Variants in CDHR2 observed in about 807,000 individuals in gnomAD.
The protein encoded by CDHR2 is cadherin-related family member 2.
In CDHR2, 104 loss-of-function variants were observed where a neutral mutation model predicts 138.6. The observed-to-expected ratio is 0.75, with a 90% CI of 0.64 to 0.88. CDHR2 has a LOEUF of 0.88. Among genes scored for constraint, CDHR2 ranks in the 40% least tolerant of loss-of-function variants. The pLI is 0.00. For synonymous variants in CDHR2, 755 were observed against 742.8 expected (o/e 1.02, Z -0.27); for missense variants, 1,624 against 1,727.6 (o/e 0.94, Z 1.06).
At chr5:176,589,465 C>A in intron 23 of CDHR2, 27 bp downstream of exon 23, 3 of 1,610,622 alleles carry the variant, frequency 1.9e-6, no homozygotes, top group Non-Finnish European at 2.5e-6. Flanking sequence ...CCTCCAGCCC[C>A]CAACGCCCTC....
In CDHR2 at chr5:176,553,773, C is replaced by G. The variant is rs1482813505; in HGVS notation, c.-16+4359C>G. Among the ~76,000 whole-genome samples the G allele has an allele frequency of 1.3e-5, 2 of 152,138 alleles. No homozygotes were observed. The highest frequency in any genetic ancestry group is 1.3e-4 in the Admixed American group (2 of 15,280). ...CCAACTGTCACCTCCACCAGCGCCA[C>G]CTGCGTCTCCACCTTCATCAGCACA... On this transcript the variant is annotated intron_variant, in intron 1 of 31. Coordinates refer to ENST00000261944, the MANE Select transcript of CDHR2 (RefSeq NM_017675.6). The surrounding 1 kb of genome is among the most constrained non-coding windows in gnomAD (Gnocchi z 4.3).
Position 176,577,479 on chromosome 5 carries a change from C to A in CDHR2, c.1275C>A (p.Gly425=). The A allele has an allele frequency of 6.2e-7, 1 of 1,610,868 alleles. No individual in the cohort carries two copies. Among genetic ancestry groups the A allele is most frequent in the Non-Finnish European group, 8.5e-7 (1 of 1,178,962 alleles). Reference sequence around the variant, plus strand: ...GCGTCTCCCCGGAGCGGGCAGTGGGCTCAGCCTCCGTTCAGGTGCTGGTGA... The same window carrying A: ...GCGTCTCCCCGGAGCGGGCAGTGGGATCAGCCTCCGTTCAGGTGCTGGTGA... ...AFSVSPERAV[G]SASVQVLVRV... is the part of the protein sequence containing the mutation. Residue 425 remains glycine, a synonymous_variant, in exon 13 of 32, where the codon GGC becomes GGA. Transcript: ENST00000261944.
At chr5:176,573,069 A>G (rs1445275398) in intron 6 of CDHR2, among the ~76,000 whole-genome samples, 1 of 152,170 alleles carries the variant, frequency 6.6e-6, no homozygotes. Context: ...AGAGACCTGA[A>G]TGGCAAGAAG....
At chr5:176,595,437 T>A in intron 31 of CDHR2, 95 bp from the exon 32 acceptor site, 2 of 1,359,992 alleles carry the variant, frequency 1.5e-6, no homozygotes, top group Non-Finnish European at 1.9e-6. Flanking sequence ...AAGGAACCAC[T>A]GGTCGTGAGC....
intron 6 of CDHR2, 58 bp from the exon 7 acceptor site, chr5:176,574,025 G>A (rs1162859253): frequency 2.0e-5 from 27 of 1,333,748 alleles, no homozygotes; most frequent in Middle Eastern, 1.8e-4. Flanking sequence ...GGGCAGTGAC[G>A]GACAAGGGAG....
chr5:176,589,329 G>A lies in CDHR2; in HGVS notation c.3009-1G>A, dbSNP rs776516178. 1 of 1,555,556 alleles carries A rather than the reference G, an allele frequency of 6.4e-7. No homozygotes were observed. Among genetic ancestry groups the A allele is most frequent in the East Asian group, 2.2e-5 (1 of 44,464 alleles). On this transcript the variant is annotated splice_acceptor_variant, in intron 22 of 31. Coordinates refer to ENST00000261944, the MANE Select transcript of CDHR2 (RefSeq NM_017675.6). LOFTEE classifies it high-confidence loss of function. ...TGACCTGCGCCTCCCGCCTTCCGCA[G>A]GCCGGTGACCAGCCTCGACTCCACT...
chr5:176,578,169 A>G, intron 15 of CDHR2, 74 bp downstream of exon 15: 1 of 1,449,084 alleles, frequency 6.9e-7, no homozygotes, highest in East Asian at 2.4e-5. Flanking sequence ...CTCTGCAGAG[A>G]TAGAATAGCT....
chr5:176,558,450 T>C (rs1322103212), intron 1 of CDHR2, among the ~76,000 whole-genome samples: 2 of 143,908 alleles, frequency 1.4e-5, no homozygotes, highest in East Asian at 4.0e-4. Flanking sequence ...ATGGTGCGAT[T>C]TCGGCCCACT....
chr5:176,568,842 C>T (rs777676531), intron 4 of CDHR2, 25 bp downstream of exon 4: 2 of 1,613,256 alleles, frequency 1.2e-6, no homozygotes, highest in Non-Finnish European at 1.7e-6. Context: ...CCGGAGAGGG[C>T]ACGGGACGCG....
chr5:176,577,036 G>T (rs1011019869), intron 12 of CDHR2, among the ~76,000 whole-genome samples: 2 of 151,660 alleles, frequency 1.3e-5, no homozygotes, highest in African/African-American at 4.9e-5. Flanking sequence ...GGCCAGAAGG[G>T]TGGCACTGGC....
intron 6 of CDHR2, among the ~76,000 whole-genome samples, chr5:176,573,361 T>C (rs540377682): frequency 1.3e-5 from 2 of 152,192 alleles, no homozygotes; most frequent in Non-Finnish European, 2.9e-5. Flanking sequence ...AGGTCGTGGC[T>C]GGGCACGGTG....
In CDHR2 at chr5:176,568,752, G is replaced by A; in HGVS notation, c.199G>A (p.Ala67Thr). The stretch of plus-strand genomic sequence containing the variant: ...GACCTATGGGATGAGCGGCCCCAAT[G>A]CCTACTTCTTCGCTGTCACTCCGAA... ...PLTYGMSGPN[A>T]YFFAVTPKTG... Residue 67 changes from alanine to threonine, a missense_variant, in exon 4 of 32, where the codon GCC (alanine) becomes ACC (threonine). This residue lies in a region of CDHR2 where 1,061 missense variants were observed against 1,136.6 expected (regional missense o/e 0.93). Coordinates refer to ENST00000261944, the MANE Select transcript of CDHR2 (RefSeq NM_017675.6). The A allele has an allele frequency of 6.2e-7, 1 of 1,614,250 alleles. No homozygotes were observed. The highest frequency in any genetic ancestry group is 1.1e-5 in the South Asian group (1 of 91,092).
At position 176,576,140 on chromosome 5, in the gene CDHR2, C is replaced by T. The variant is rs1369801944; in HGVS notation, c.1149C>T (p.Arg383=). Reference sequence around the variant, plus strand: ...ACGTGGACGAGCATGCCTCCCCCCGCATCCCCATCGATGACCTCACCATGG... The same window carrying T: ...ACGTGGACGAGCATGCCTCCCCCCGTATCCCCATCGATGACCTCACCATGG... ...TGYVDEHASP[R]IPIDDLTMVV... The change falls in exon 12 of 32, where the codon CGC becomes CGT. Residue 383 remains arginine, a synonymous_variant. Transcript: ENST00000261944. This position sits in a 1 kb window ranked among gnomAD's most constrained non-coding sequence, Gnocchi z 4.5. The T allele has an allele frequency of 6.2e-7, 1 of 1,613,810 alleles. No individual in the cohort carries two copies. Among genetic ancestry groups the T allele is most frequent in the South Asian group, 1.1e-5 (1 of 91,078 alleles).
At position 176,589,530 on chromosome 5, in the gene CDHR2, C is replaced by G; in HGVS notation, c.3120C>G (p.Leu1040=). The change falls in exon 24 of 32, where the codon CTC becomes CTG. Residue 1040 remains leucine, a splice_region_variant and synonymous_variant. Transcript: ENST00000261944. ...PFLEATTTLN[L]FTVDQSYRSR... ...TCTCCTGCACACCCCCTTCCCAGCT[C>G]TTCACCGTGGACCAGAGTTACCGCT... The G allele has an allele frequency of 6.2e-7, 1 of 1,614,110 alleles. No homozygotes were observed. The highest frequency in any genetic ancestry group is 8.5e-7 in the Non-Finnish European group (1 of 1,180,014).
chr5:176,558,620 G>C (rs886184466), intron 1 of CDHR2, among the ~76,000 whole-genome samples: 2 of 151,826 alleles, frequency 1.3e-5, no homozygotes, highest in African/African-American at 4.8e-5. Context: ...CCTGACCTCA[G>C]GCGATCCACC....
At position 176,574,103 on chromosome 5, in the gene CDHR2, G is replaced by A. The variant is rs751436675; in HGVS notation, c.426G>A (p.Val142=). The change falls in exon 7 of 32, where the codon GTG becomes GTA. Residue 142 remains valine (V), a synonymous_variant. Coordinates refer to ENST00000261944, the MANE Select transcript of CDHR2 (RefSeq NM_017675.6). ...TGCAGACCCTGCCCGTGGGCAGTGT[G>A]GTGTTCTCCGTGCTGGCCGTGGATA... ...SINETLPVGS[V]VFSVLAVDKD... 5.6e-6 allele frequency: 9 copies of A among 1,613,998 alleles called. No homozygotes were observed. Among genetic ancestry groups the A allele is most frequent in the Non-Finnish European group, 7.6e-6 (9 of 1,179,900 alleles).
rs200622441 is a variant in CDHR2, at chr5:176,590,146, G to A, written c.3275G>A (p.Arg1092Gln). 42 of 1,613,576 alleles carry A rather than the reference G, an allele frequency of 2.6e-5. No individual in the cohort carries two copies. Among genetic ancestry groups the A allele is most frequent in the East Asian group, 4.5e-5 (2 of 44,896 alleles). The change falls in exon 25 of 32, where the codon CGG (arginine) becomes CAG (glutamine). Residue 1092 changes from arginine (R) to glutamine (Q), a missense_variant and splice_region_variant. Around this residue, in one of 3 missense-constraint regions of CDHR2, gnomAD observed 556 missense variants for 565.7 expected, o/e 0.98. Coordinates refer to ENST00000261944, the MANE Select transcript of CDHR2 (RefSeq NM_017675.6). ...VDIQDIDSAA[R>Q]ARPHSYLDAY... is the part of the protein sequence containing the mutation. ...ATTCAGGACATAGATTCTGCAGCTCGGTGAGTGCCCAGAGGCCTGGGGGTG... is the reference window on the plus strand; with the variant it reads ...ATTCAGGACATAGATTCTGCAGCTCAGTGAGTGCCCAGAGGCCTGGGGGTG...
intron 16 of CDHR2, among the ~76,000 whole-genome samples, chr5:176,580,302 G>A (rs991532174): frequency 5.9e-5 from 9 of 152,140 alleles, no homozygotes; most frequent in Non-Finnish European, 1.2e-4. Context: ...GCCGAGGTGG[G>A]TGGATCACTT....
rs1009049339 is a variant in CDHR2 at position 176,575,072 on chromosome 5, G to C, written c.496-12G>C. On this transcript the variant is annotated splice_polypyrimidine_tract_variant and intron_variant, in intron 7 of 31. Coordinates refer to ENST00000261944, the MANE Select transcript of CDHR2 (RefSeq NM_017675.6). ...TCCCTAGGGAGCCTGACCCAAGTCT[G>C]CTCTGCCCCAGGTCATCCCTAGCAC... 9 of 1,613,774 alleles carry C rather than the reference G, an allele frequency of 5.6e-6. No individual in the cohort carries two copies. The Admixed American group carries it at 1.3e-4, about 24-fold the overall frequency.
Sources: gnomAD v4.1 joint callset for allele counts (sites outside exome capture counted in the v4.1 genomes callset) on GRCh38, gnomAD v4.1.1 for gene constraint, gnomAD v4.1.1 regional missense constraint, Gnocchi (gnomAD v3.1) non-coding constraint, MANE v1.5 for transcripts, NCBI Gene and HGNC (gene_info 2026-07-23, HGNC 2026-07-21) for gene names.